The following ARFGEF3 variants were observed in gnomAD, a reference collection of about 807,000 sequenced individuals.
The protein encoded by ARFGEF3 is ARFGEF family member 3.
In ARFGEF3, 96 loss-of-function variants were observed where a neutral mutation model predicts 221.7. The observed-to-expected ratio is 0.43, with a 90% CI of 0.37 to 0.51. The LOEUF is 0.51. ARFGEF3 is among the 20% of genes least tolerant of loss of function. The probability of loss-of-function intolerance (pLI) is 0.00; values close to 1 mark genes in which losing one functional copy is unlikely to be tolerated. For missense variants in ARFGEF3, 2,410 were observed against 2,789.9 expected, an observed-to-expected ratio of 0.86 and a Z score of 3.07; for synonymous variants, 1,145 against 1,126.8, an observed-to-expected ratio of 1.02 and a Z score of -0.32.
At position 138,210,027 on chromosome 6, in the gene ARFGEF3, G is replaced by T. The variant is rs776217445; in HGVS notation, c.337G>T (p.Val113Leu). 30 of 1,613,638 alleles carry T rather than the reference G, an allele frequency of 1.9e-5. No individual in the cohort carries two copies. Among genetic ancestry groups the T allele is most frequent in the African/African-American group, 2.7e-5 (2 of 74,934 alleles). ...GCCTTCGCTCAACGAGGACCTGCAG[G>T]TGGAAGTGATGAAGGTTGGTTTGAC... is the stretch of plus-strand genomic sequence containing the variant. ...VTPSLNEDLQ[V>L]EVMKVLLCIT... The change falls in exon 4 of 34, where the codon GTG (valine) becomes TTG (leucine). Residue 113 changes from valine (V) to leucine (L), a missense_variant. By Grantham distance (32) the Val-to-Leu change is conservative (BLOSUM62 1). Around this residue, in one of 5 missense-constraint regions of ARFGEF3, gnomAD observed 570 missense variants for 586.9 expected, o/e 0.97. Coordinates refer to ENST00000251691, the MANE Select transcript of ARFGEF3 (RefSeq NM_020340.5).
At chr6:138,303,860 CAAAAA>C (rs140349507) in intron 22 of ARFGEF3, among the ~76,000 whole-genome samples, 3 of 20,616 alleles carry the variant, frequency 1.5e-4, no homozygotes, top group Admixed American at 7.9e-4. Context: ...GACTCCGTCT[CAAAAA>C]AAAAAAAAAA....
chr6:138,187,791 T>C (rs1777215111), intron 2 of ARFGEF3, among the ~76,000 whole-genome samples: 1 of 152,172 alleles, frequency 6.6e-6, no homozygotes, highest in African/African-American at 2.4e-5. Flanking sequence ...GTAGCCCACC[T>C]CAGCATCCAC....
At chr6:138,332,217 G>A (rs1206453579) in intron 32 of ARFGEF3, among the ~76,000 whole-genome samples, 2 of 151,964 alleles carry the variant, frequency 1.3e-5, no homozygotes, top group Non-Finnish European at 2.9e-5. Context: ...AGGGGAGTGG[G>A]GTTCAAATGT....
At chr6:138,301,864 G>A (rs1779634860) in intron 22 of ARFGEF3, among the ~76,000 whole-genome samples, 2 of 152,100 alleles carry the variant, frequency 1.3e-5, no homozygotes, top group East Asian at 1.9e-4. Flanking sequence ...CAGACATGAG[G>A]ATGAACACTA....
At chr6:138,200,258 T>TCC (rs1240619279) in intron 2 of ARFGEF3, among the ~76,000 whole-genome samples, 1 of 152,078 alleles carries the variant, frequency 6.6e-6, no homozygotes, top group Admixed American at 6.6e-5. Context: ...CCAAAAACAA[T>TCC]CTATAAATTC....
rs1415139161 is a variant in ARFGEF3, at chr6:138,340,405, A to C, written c.*3919A>C. On this transcript the variant is annotated 3_prime_UTR_variant, in exon 34 of 34. Coordinates refer to ENST00000251691, the MANE Select transcript of ARFGEF3 (RefSeq NM_020340.5). ...AGCCTTCGCTGTGAGACGGTAATGC[A>C]GTTATATAATAGATACCCTTGACTT... 1 of 152,208 alleles carries C rather than the reference A, an allele frequency of 6.6e-6. No individual in the cohort carries two copies. The highest frequency in any genetic ancestry group is 2.4e-5 in the African/African-American group (1 of 41,466). 9.4% of individuals were successfully genotyped at this position (152,208 alleles called of 1,614,324 possible). A position where few individuals can be genotyped will look rare whatever the true frequency, so the allele number is the denominator to read the frequency against.
At chr6:138,226,200 G>A (rs559698686) in intron 4 of ARFGEF3, among the ~76,000 whole-genome samples, 8 of 152,276 alleles carry the variant, frequency 5.3e-5, no homozygotes, top group South Asian at 4.1e-4. Context: ...GCACATCTGC[G>A]ATTCTGTGCT....
chr6:138,190,379 G>A (rs978148347), intron 2 of ARFGEF3, among the ~76,000 whole-genome samples: 1 of 151,974 alleles, frequency 6.6e-6, no homozygotes, highest in African/African-American at 2.4e-5. Flanking sequence ...GCATTTGGAA[G>A]GATGGATGGA....
chr6:138,267,946 C>T (rs1452903291), intron 12 of ARFGEF3, among the ~76,000 whole-genome samples: 6 of 152,272 alleles, frequency 3.9e-5, no homozygotes, highest in Middle Eastern at 3.4e-3. Context: ...ATTCTAGTGA[C>T]ATCACAGTAT....
chr6:138,336,240 G>A (rs1016302392), intron 33 of ARFGEF3, 55 bp from the exon 34 acceptor site: 4 of 1,397,140 alleles, frequency 2.9e-6, no homozygotes, highest in Admixed American at 2.5e-5. Context: ...ACTCTCAAGT[G>A]TTCAAATAAA....
At position 138,343,798 on chromosome 6, in the gene ARFGEF3, C is replaced by T. The variant is rs1001904315; in HGVS notation, c.*7312C>T. ...TCTGGTTCTTATTGGGAGTGCTTCT[C>T]TCTAATAAAAATTGATTTCCCACAA... On this transcript the variant is annotated 3_prime_UTR_variant, in exon 34 of 34. Coordinates refer to ENST00000251691, the MANE Select transcript of ARFGEF3 (RefSeq NM_020340.5). 6.6e-6 allele frequency: 1 copy of T among 152,104 alleles called. No individual in the cohort carries two copies. Among genetic ancestry groups the T allele is most frequent in the Non-Finnish European group, 1.5e-5 (1 of 68,016 alleles). 9.4% of individuals were successfully genotyped at this position (152,104 alleles called of 1,614,324 possible). A position where few individuals can be genotyped will look rare whatever the true frequency, so the allele number is the denominator to read the frequency against.
intron 23 of ARFGEF3, among the ~76,000 whole-genome samples, chr6:138,307,637 T>C (rs938124283): frequency 6.6e-6 from 1 of 152,244 alleles, no homozygotes; most frequent in Non-Finnish European, 1.5e-5. Flanking sequence ...GAGACTTCTG[T>C]TGTTTCACTT....
chr6:138,169,612 C>T (rs1357587054), intron 1 of ARFGEF3, among the ~76,000 whole-genome samples: 1 of 152,166 alleles, frequency 6.6e-6, no homozygotes, highest in Non-Finnish European at 1.5e-5. Context: ...GCTTCCTGTA[C>T]CTGCATCTCA....
rs1352364885 is a variant in ARFGEF3 at position 138,336,387 on chromosome 6, C to T, written c.6435C>T (p.Cys2145=). 1 of 1,613,426 alleles carries T rather than the reference C, an allele frequency of 6.2e-7. No homozygotes were observed. The highest frequency in any genetic ancestry group is 2.2e-5 in the East Asian group (1 of 44,862). ...CCCTCCAGCCCGCAGTGTTCCCGTG[C>T]ATCAGTCAGCTGACCTGTCACGTGA... The part of the protein sequence containing the change: ...FTALQPAVFP[C]ISQLTCHVTD... Residue 2145 remains cysteine, a synonymous_variant, in exon 34 of 34, where the codon TGC becomes TGT. Transcript: ENST00000251691.
chr6:138,336,935 G>A lies in ARFGEF3; in HGVS notation c.*449G>A, dbSNP rs963761454. On this transcript the variant is annotated 3_prime_UTR_variant, in exon 34 of 34. Transcript: ENST00000251691. ...AAACACTCAGACATCTAGTACCAGG[G>A]ATTATTAATTGGAGGAAGATTTATG... 6.6e-6 allele frequency: 1 copy of A among 152,514 alleles called. No homozygotes were observed. The highest frequency in any genetic ancestry group is 2.4e-5 in the African/African-American group (1 of 41,414). The allele number at this position is 152,514 out of a possible 1,614,324, so 9.4% of individuals were successfully genotyped here.
intron 12 of ARFGEF3, among the ~76,000 whole-genome samples, chr6:138,276,635 T>A (rs1779101752): frequency 6.6e-6 from 1 of 152,192 alleles, no homozygotes; most frequent in African/African-American, 2.4e-5. Flanking sequence ...TTTACCTGCT[T>A]AAAGTGCACA....
In ARFGEF3 at chr6:138,336,916, TC is replaced by T. The variant is rs1780337427; in HGVS notation, c.*431del. On this transcript the variant is annotated 3_prime_UTR_variant, in exon 34 of 34. Coordinates refer to ENST00000251691, the MANE Select transcript of ARFGEF3 (RefSeq NM_020340.5). ...GCTGGTAAGTCAAGCTGATAAACACTCAGACATCTAGTACCAGGGATTATTA... is the reference window on the plus strand; with the variant it reads ...GCTGGTAAGTCAAGCTGATAAACACTAGACATCTAGTACCAGGGATTATTA... 1 of 152,598 alleles carries T rather than the reference TC, an allele frequency of 6.6e-6. No homozygotes were observed. The highest frequency in any genetic ancestry group is 1.5e-5 in the Non-Finnish European group (1 of 68,246). The allele number at this position is 152,598 out of a possible 1,614,324, so 9.5% of individuals were successfully genotyped here.
At chr6:138,199,554 AG>A (rs1314851020) in intron 2 of ARFGEF3, among the ~76,000 whole-genome samples, 9 of 152,254 alleles carry the variant, frequency 5.9e-5, no homozygotes, top group Admixed American at 1.3e-4. Context: ...GATTTCTTTC[AG>A]TAGTGTTTTG....
intron 8 of ARFGEF3, among the ~76,000 whole-genome samples, chr6:138,248,924 C>T (rs1583031271): frequency 6.6e-6 from 1 of 152,258 alleles, no homozygotes; most frequent in East Asian, 1.9e-4. Context: ...ACCATTGTTC[C>T]TTAGTCAGAA....
Sources: gnomAD v4.1 joint callset for allele counts (sites outside exome capture counted in the v4.1 genomes callset) on GRCh38, gnomAD v4.1.1 for gene constraint, gnomAD v4.1.1 regional missense constraint, MANE v1.5 for transcripts, NCBI Gene and HGNC (gene_info 2026-07-23, HGNC 2026-07-21) for gene names.